NALCN: variants seen among roughly 807,000 people sequenced by gnomAD.
NALCN encodes the protein sodium leak channel NALCN.
A neutral mutation model predicts 225.3 loss-of-function variants in NALCN; 111 were observed. The observed-to-expected ratio is 0.49, with a 90% confidence interval of 0.42 to 0.58. NALCN has a LOEUF of 0.58. Ranked by LOEUF, NALCN falls within the 20% of genes least tolerant of loss-of-function variation. NALCN has a pLI of 0.00. For missense variants in NALCN, 1,378 were observed against 2,202.4 expected (o/e 0.63, Z 7.49); for synonymous variants, 764 against 769.0 (o/e 0.99, Z 0.11).
intron 13 of NALCN, among the ~76,000 whole-genome samples, chr13:101,207,036 C>T (rs2040340866): frequency 6.6e-6 from 1 of 152,072 alleles, no homozygotes; most frequent in Admixed American, 6.6e-5. Context: ...ATTTTCAAAA[C>T]AGTAAATAAT....
At chr13:101,155,565 T>A (rs2037862276) in intron 15 of NALCN, among the ~76,000 whole-genome samples, 1 of 152,202 alleles carries the variant, frequency 6.6e-6, no homozygotes, top group African/African-American at 2.4e-5. Context: ...GTATATGACA[T>A]TGAGGTTAAC....
At chr13:101,134,874 G>A (rs1300868172) in intron 17 of NALCN, among the ~76,000 whole-genome samples, 1 of 152,160 alleles carries the variant, frequency 6.6e-6, no homozygotes, top group Non-Finnish European at 1.5e-5. Context: ...AATTTAGATA[G>A]GTTTAATATA....
At chr13:101,064,339 T>C (rs929024198) in intron 40 of NALCN, among the ~76,000 whole-genome samples, 4 of 152,182 alleles carry the variant, frequency 2.6e-5, no homozygotes, top group Admixed American at 2.6e-4. Context: ...GTTTTATCCA[T>C]GGACTCCTGC....
At chr13:101,411,216 C>CT (rs2047774377) in intron 1 of NALCN, among the ~76,000 whole-genome samples, 2 of 118,522 alleles carry the variant, frequency 1.7e-5, no homozygotes, top group East Asian at 2.4e-4. Context: ...TCTTTTTTTT[C>CT]CTTTTTTTTT....
rs771324942 is a variant in NALCN, at chr13:101,054,610, G to C, written c.*685C>G. The C allele has an allele frequency of 2.6e-5, 4 of 152,166 alleles. No individual in the cohort carries two copies. Among genetic ancestry groups the C allele is most frequent in the Non-Finnish European group, 5.9e-5 (4 of 68,036 alleles). 9.4% of individuals were successfully genotyped at this position (152,166 alleles called of 1,614,324 possible). A position where few individuals can be genotyped will look rare whatever the true frequency, so the allele number is the denominator to read the frequency against. The stretch of plus-strand genomic sequence containing the variant: ...TGTTTTAAACCGCTAAGCATCCTGA[G>C]TCCATTTCTTTGCCTGGTGCTTGCA... On this transcript the variant is annotated 3_prime_UTR_variant, in exon 44 of 44. Transcript: ENST00000251127.
chr13:101,209,013 G>C (rs187470915), intron 13 of NALCN, among the ~76,000 whole-genome samples: 27 of 152,264 alleles, frequency 1.8e-4, no homozygotes, highest in African/African-American at 6.0e-4. Flanking sequence ...TACACTTCTA[G>C]TTATTGTAGC....
chr13:101,094,225 G>A (rs576522588), intron 28 of NALCN, among the ~76,000 whole-genome samples: 14 of 152,252 alleles, frequency 9.2e-5, no homozygotes, highest in African/African-American at 3.4e-4. Context: ...GTGACTACTG[G>A]GCTCTCCAGG....
At chr13:101,358,908 G>A (rs920790420) in intron 6 of NALCN, among the ~76,000 whole-genome samples, 1 of 152,002 alleles carries the variant, frequency 6.6e-6, no homozygotes, top group African/African-American at 2.4e-5. Context: ...CATGGATGAA[G>A]CTGGAAGCCA....
In NALCN at chr13:101,104,337, G is replaced by GA; in HGVS notation, c.2846dup (p.Ile950HisfsTer30). 1 of 1,613,556 alleles carries GA rather than the reference G, an allele frequency of 6.2e-7. No individual in the cohort carries two copies. On this transcript the variant is annotated frameshift_variant, in exon 25 of 44. Coordinates refer to ENST00000251127, the MANE Select transcript of NALCN (RefSeq NM_052867.4). LOFTEE classifies it high-confidence loss of function. This position sits in a 1 kb window ranked among gnomAD's most constrained non-coding sequence, Gnocchi z 4.2. The stretch of plus-strand genomic sequence containing the variant: ...CCATTACTCCACCGAAGTCCCTGAT[G>GA]ACAGCAGTTGGAGTGAAAAATAAGC...
At chr13:101,407,669 C>G (rs540205446) in intron 1 of NALCN, among the ~76,000 whole-genome samples, 1 of 152,298 alleles carries the variant, frequency 6.6e-6, no homozygotes, top group South Asian at 2.1e-4. Flanking sequence ...TGGAGGCAAA[C>G]ATGCCCAGAC....
intron 9 of NALCN, among the ~76,000 whole-genome samples, chr13:101,287,366 A>C (rs1405650838): frequency 6.6e-6 from 1 of 152,230 alleles, no homozygotes; most frequent in Non-Finnish European, 1.5e-5. Flanking sequence ...GTAATGGCTA[A>C]ATTGAAAGGT....
intron 13 of NALCN, among the ~76,000 whole-genome samples, chr13:101,217,055 G>A (rs1456244369): frequency 6.6e-6 from 1 of 152,100 alleles, no homozygotes; most frequent in Non-Finnish European, 1.5e-5. Context: ...GAAATCAGAA[G>A]GAATAAAGGT....
At chr13:101,221,057 G>A (rs1211435216) in intron 13 of NALCN, among the ~76,000 whole-genome samples, 1 of 152,148 alleles carries the variant, frequency 6.6e-6, no homozygotes, top group Non-Finnish European at 1.5e-5. Flanking sequence ...CAGAAGTACA[G>A]ACTCTTAAAT....
At chr13:101,320,100 TGCCTATTA>T (rs1193063980) in intron 7 of NALCN, among the ~76,000 whole-genome samples, 1 of 152,230 alleles carries the variant, frequency 6.6e-6, no homozygotes, top group Admixed American at 6.5e-5. Flanking sequence ...CCATCTTTCC[TGCCTATTA>T]GCACAGAATG....
At position 101,095,564 on chromosome 13, in the gene NALCN, A is replaced by T; in HGVS notation, c.3269+10T>A. On this transcript the variant is annotated intron_variant, in intron 28 of 43. Coordinates refer to ENST00000251127, the MANE Select transcript of NALCN (RefSeq NM_052867.4). ...CCATTCTTCAGAATATTTTTTTATG[A>T]TATACTTACCAAACACGGGGCACCC... The T allele has an allele frequency of 6.3e-7, 1 of 1,599,630 alleles. No homozygotes were observed.
chr13:101,227,254 C>T (rs897735861), intron 13 of NALCN, among the ~76,000 whole-genome samples: 1 of 152,174 alleles, frequency 6.6e-6, no homozygotes, highest in Non-Finnish European at 1.5e-5. Flanking sequence ...TGCCATCATC[C>T]TCCTTATCTC....
intron 6 of NALCN, among the ~76,000 whole-genome samples, chr13:101,348,971 A>C (rs1194279138): frequency 6.6e-6 from 1 of 152,056 alleles, no homozygotes; most frequent in Non-Finnish European, 1.5e-5. Context: ...ATTTTTATTC[A>C]TTAACCTTAA....
intron 17 of NALCN, 101 bp from the exon 18 acceptor site, chr13:101,124,782 T>A: frequency 1.0e-6 from 1 of 967,192 alleles, no homozygotes; most frequent in Admixed American, 2.0e-5. Context: ...GAAACATGAA[T>A]ATGTTTCGCT....
chr13:101,083,153 G>T lies in NALCN; in HGVS notation c.3629C>A (p.Pro1210Gln). Residue 1210 changes from proline (P) to glutamine (Q), a missense_variant, in exon 32 of 44, where the codon CCA (proline) becomes CAA (glutamine). Pro to Gln is a moderately conservative substitution (Grantham distance 76). Coordinates refer to ENST00000251127, the MANE Select transcript of NALCN (RefSeq NM_052867.4). ...RAKMYDITQHPFFKRTIALLV... is the reference protein window; with the variant it reads ...RAKMYDITQHQFFKRTIALLV... The stretch of plus-strand genomic sequence containing the variant: ...TAATGCGATTGTCCTCTTAAAAAAT[G>T]GATGCTGGGTTATGTCATACATTTT... 6 of 1,614,116 alleles carry T rather than the reference G, an allele frequency of 3.7e-6. No individual in the cohort carries two copies. Among genetic ancestry groups the T allele is most frequent in the Non-Finnish European group, 5.1e-6 (6 of 1,179,990 alleles).
Sources: gnomAD v4.1 joint callset for allele counts (sites outside exome capture counted in the v4.1 genomes callset) on GRCh38, gnomAD v4.1.1 for gene constraint, Gnocchi (gnomAD v3.1) non-coding constraint, MANE v1.5 for transcripts, NCBI Gene and HGNC (gene_info 2026-07-23, HGNC 2026-07-21) for gene names.